The following GLIS2 variants were observed in gnomAD, a reference collection of about 807,000 sequenced individuals.
GLIS2 encodes zinc finger protein GLIS2.
GLIS2 carries 14 observed loss-of-function variants against 35.6 expected under a neutral mutation model. The ratio of observed to expected loss-of-function variants is 0.39; its 90% CI spans 0.26 to 0.61. The LOEUF is 0.61. Among genes scored for constraint, GLIS2 ranks in the 20% least tolerant of loss-of-function variants. The pLI is 0.48. For synonymous variants in GLIS2, 368 were observed against 325.1 expected (o/e 1.13, Z -1.42); for missense variants, 675 against 713.4 (o/e 0.95, Z 0.61).
rs2053407378 is a variant in GLIS2, at chr16:4,324,249, C to T, written c.-66-7966C>T. 2.0e-5 allele frequency among the ~76,000 whole-genome samples: 3 copies of T among 152,280 alleles called. No homozygotes were observed. In the South Asian group the frequency reaches 6.2e-4, roughly 32 times the overall value. ...AGGGACGGTGAATCCCCCACTCTTC[C>T]AGGAAGTGCCGCCTGCCCTGGCCCC... On this transcript the variant is annotated intron_variant, in intron 1 of 6. Coordinates refer to ENST00000433375, the MANE Select transcript of GLIS2 (RefSeq NM_032575.3).
At chr16:4,319,072 G>C (rs1407811863) in intron 1 of GLIS2, among the ~76,000 whole-genome samples, 1 of 152,120 alleles carries the variant, frequency 6.6e-6, no homozygotes, top group Non-Finnish European at 1.5e-5. Context: ...CTGCCTCTAA[G>C]GGGAGGCCCA....
Position 4,322,912 on chromosome 16 carries a change from G to A in GLIS2, c.-67+6658G>A, listed in dbSNP as rs576210326. ...TTGTGGGATCTGCCTGCAGCCAGGC[G>A]TGGCTTGGGAGGCGCGGTGTTTCCT... On this transcript the variant is annotated intron_variant, in intron 1 of 6. Transcript: ENST00000433375. Among the ~76,000 whole-genome samples the A allele has an allele frequency of 7.4e-4, 113 of 152,340 alleles. 1 individual carries two copies. The highest frequency in any genetic ancestry group is 2.5e-3 in the African/African-American group (105 of 41,574).
At chr16:4,323,450 G>A (rs1327031234) in intron 1 of GLIS2, among the ~76,000 whole-genome samples, 4 of 151,704 alleles carry the variant, frequency 2.6e-5, no homozygotes, top group East Asian at 1.9e-4. Context: ...GTGCAGCAGC[G>A]GGCAGGCAGC....
chr16:4,318,640 C>T (rs923638157), intron 1 of GLIS2, among the ~76,000 whole-genome samples: 3 of 152,202 alleles, frequency 2.0e-5, no homozygotes, highest in Non-Finnish European at 2.9e-5. Flanking sequence ...CCCAGGGCCC[C>T]TTCTTGGGGC....
At chr16:4,322,976 G>C (rs1226082563) in intron 1 of GLIS2, among the ~76,000 whole-genome samples, 1 of 152,230 alleles carries the variant, frequency 6.6e-6, no homozygotes, top group Non-Finnish European at 1.5e-5. Context: ...CTCTCCCCCA[G>C]AAGCCAAGGC....
At position 4,333,413 on chromosome 16, in the gene GLIS2, A is replaced by T. The variant is rs144447862; in HGVS notation, c.239A>T (p.Asp80Val). The change falls in exon 3 of 7, where the codon GAC becomes GTC. Residue 80 changes from aspartate to valine, a missense_variant. Physicochemically the swap from Asp to Val is radical, Grantham distance 152. Transcript: ENST00000433375. ...CGCTTTTCAGCAGCCCCTCTCGTGG[A>T]CCTCAGCCTGTCACCACCATCTGGG... ...EGRFSAAPLV[D>V]LSLSPPSGLD... The T allele has an allele frequency of 5.5e-4, 879 of 1,612,468 alleles. 2 individuals are homozygous for T. Among genetic ancestry groups the T allele is most frequent in the Middle Eastern group, 1.6e-3 (10 of 6,084 alleles).
upstream of GLIS2, chr16:4,315,091 A>T (rs1332601465): frequency 1.3e-5 from 2 of 152,136 alleles, no homozygotes; most frequent in African/African-American, 4.8e-5. Flanking sequence ...GCTGATGTCC[A>T]GGAGGGATCT....
chr16:4,319,259 G>C (rs2053349237), intron 1 of GLIS2, among the ~76,000 whole-genome samples: 1 of 152,166 alleles, frequency 6.6e-6, no homozygotes, highest in African/African-American at 2.4e-5. Context: ...AACCCCGGAA[G>C]GTCCTGGGTG....
chr16:4,318,806 G>C (rs1028748954), intron 1 of GLIS2, among the ~76,000 whole-genome samples: 6 of 152,322 alleles, frequency 3.9e-5, no homozygotes, highest in African/African-American at 1.4e-4. Flanking sequence ...GTGTTTTCCC[G>C]GCAACAATTT....
chr16:4,328,220 C>G (rs1242687711), intron 1 of GLIS2: 4 of 152,310 alleles, frequency 2.6e-5, no homozygotes, highest in Non-Finnish European at 5.9e-5. Flanking sequence ...GTCGGCCTTA[C>G]GCTGGGGAGA....
At chr16:4,336,208 A>G in intron 6 of GLIS2, 1 of 250,052 alleles carries the variant, frequency 4.0e-6, no homozygotes, top group Non-Finnish European at 7.9e-6. Context: ...GTGCAGTGGC[A>G]TGATCTTGGC....
intron 1 of GLIS2, among the ~76,000 whole-genome samples, chr16:4,330,715 G>A (rs988305221): frequency 2.0e-5 from 3 of 152,258 alleles, no homozygotes; most frequent in African/African-American, 7.2e-5. Flanking sequence ...CTCCTGCTCT[G>A]TCAGAAAAGG....
At chr16:4,316,302 G>GA (rs2053310814) in intron 1 of GLIS2, among the ~76,000 whole-genome samples, 48 bp downstream of exon 1, 2 of 141,502 alleles carry the variant, frequency 1.4e-5, no homozygotes, top group African/African-American at 5.3e-5. Context: ...GCCGGGGCGG[G>GA]GGGGGGGGGG....
At chr16:4,326,894 G>A (rs939361980) in intron 1 of GLIS2, among the ~76,000 whole-genome samples, 7 of 152,024 alleles carry the variant, frequency 4.6e-5, no homozygotes, top group African/African-American at 1.7e-4. Flanking sequence ...CCGGGTAGCT[G>A]GAATTACAGA....
intron 1 of GLIS2, among the ~76,000 whole-genome samples, chr16:4,329,932 T>C (rs956071628): frequency 2.0e-5 from 3 of 152,196 alleles, no homozygotes; most frequent in Non-Finnish European, 2.9e-5. Flanking sequence ...GAATGAAGTG[T>C]TGACCTTGTT....
chr16:4,315,243 G>A (rs2053293908), upstream of GLIS2: 2 of 152,238 alleles, frequency 1.3e-5, no homozygotes, highest in African/African-American at 4.8e-5. Context: ...CCGAGGGCAC[G>A]GCAGGGAGTC....
At chr16:4,329,308 G>A (rs1395035890) in intron 1 of GLIS2, 1 of 152,194 alleles carries the variant, frequency 6.6e-6, no homozygotes, top group South Asian at 2.1e-4. Context: ...CTGCTAGCGG[G>A]GGTGTGGTCC....
chr16:4,339,342 C>G lies in GLIS2; in HGVS notation c.*1818C>G, dbSNP rs2053599981. On this transcript the variant is annotated 3_prime_UTR_variant, in exon 7 of 7. Coordinates refer to ENST00000433375, the MANE Select transcript of GLIS2 (RefSeq NM_032575.3). ...GAAGGCCGACGAGCTCAGCATGCGA[C>G]TCGGTGACGGACCAGGCTCGGCAGG... 6.5e-6 allele frequency: 1 copy of G among 152,738 alleles called. No individual in the cohort carries two copies. Among genetic ancestry groups the G allele is most frequent in the African/African-American group, 2.4e-5 (1 of 41,472 alleles). 9.5% of individuals were successfully genotyped at this position (152,738 alleles called of 1,614,324 possible).
chr16:4,334,726 C>A, intron 3 of GLIS2, 75 bp from the exon 4 acceptor site: 1 of 1,560,150 alleles, frequency 6.4e-7, no homozygotes, highest in Non-Finnish European at 8.8e-7. Context: ...TTGGGGACAC[C>A]ATTCAGTCCA....
Sources: gnomAD v4.1 joint callset for allele counts (sites outside exome capture counted in the v4.1 genomes callset) on GRCh38, gnomAD v4.1.1 for gene constraint, MANE v1.5 for transcripts, NCBI Gene and HGNC (gene_info 2026-07-23, HGNC 2026-07-21) for gene names.